Variants in CLCN6 observed in about 807,000 individuals in gnomAD.
The protein encoded by CLCN6 is H(+)/Cl(-) exchange transporter 6.
In CLCN6, 70 loss-of-function variants were observed where a neutral mutation model predicts 109.8. The ratio of observed to expected loss-of-function variants is 0.64; its 90% CI spans 0.53 to 0.78. The LOEUF (loss-of-function observed/expected upper bound fraction) is 0.78. CLCN6 is among the 30% of genes least tolerant of loss of function. The pLI is 0.00. For synonymous variants in CLCN6, 444 were observed against 447.8 expected (o/e 0.99, Z 0.11); for missense variants, 984 against 1,142.3 (o/e 0.86, Z 2.00).
intron 4 of CLCN6, among the ~76,000 whole-genome samples, chr1:11,817,871 C>T (rs891829280): frequency 3.9e-5 from 6 of 152,200 alleles, no homozygotes; most frequent in Non-Finnish European, 8.8e-5. Flanking sequence ...GAACATCTTA[C>T]TAGGTAAGAC....
intron 2 of CLCN6, among the ~76,000 whole-genome samples, chr1:11,815,585 G>A (rs1644659357): frequency 6.6e-6 from 1 of 152,156 alleles, no homozygotes; most frequent in Non-Finnish European, 1.5e-5. Flanking sequence ...AGTAGAGACA[G>A]GGTTTCACCA....
At chr1:11,811,734 A>G (rs560930503) in intron 2 of CLCN6, among the ~76,000 whole-genome samples, 13 of 152,110 alleles carry the variant, frequency 8.5e-5, no homozygotes, top group Admixed American at 6.6e-4. Flanking sequence ...GAAACCCTGC[A>G]CTCATTAGCA....
At chr1:11,821,581 C>T (rs1644744940) in intron 5 of CLCN6, among the ~76,000 whole-genome samples, 1 of 152,084 alleles carries the variant, frequency 6.6e-6, no homozygotes, top group Admixed American at 6.6e-5. Flanking sequence ...GGAAGAACTC[C>T]TGCAACTCAA....
intron 5 of CLCN6, among the ~76,000 whole-genome samples, chr1:11,820,111 CAGTT>C (rs1486733525): frequency 6.6e-6 from 1 of 152,136 alleles, no homozygotes; most frequent in Non-Finnish European, 1.5e-5. Flanking sequence ...TGGTGAATGA[CAGTT>C]AATATTACAA....
chr1:11,819,826 C>G (rs1644719116), intron 5 of CLCN6, among the ~76,000 whole-genome samples: 2 of 152,116 alleles, frequency 1.3e-5, no homozygotes, highest in African/African-American at 4.8e-5. Flanking sequence ...AATCAAAATT[C>G]CAATAGAATT....
At chr1:11,828,257 C>G in intron 11 of CLCN6, 38 bp downstream of exon 11, 1 of 1,573,188 alleles carries the variant, frequency 6.4e-7, no homozygotes, top group Non-Finnish European at 8.7e-7. Context: ...TTTAATTTGA[C>G]CCATGAAAAT....
intron 2 of CLCN6, among the ~76,000 whole-genome samples, chr1:11,807,492 C>T (rs1644532934): frequency 6.6e-6 from 1 of 152,206 alleles, no homozygotes; most frequent in African/African-American, 2.4e-5. Context: ...GAGTGAAAGG[C>T]ACTGGCAGGC....
At chr1:11,829,459 G>A in intron 13 of CLCN6, 137 bp downstream of exon 13, 2 of 1,050,196 alleles carry the variant, frequency 1.9e-6, no homozygotes. Context: ...TGAGAGATAT[G>A]GGAATCTGTA....
chr1:11,810,545 C>T (rs993877638), intron 2 of CLCN6, among the ~76,000 whole-genome samples: 15 of 152,334 alleles, frequency 9.8e-5, no homozygotes, highest in African/African-American at 2.2e-4. Flanking sequence ...ACCTCCCTCC[C>T]GGCCAGGTGC....
At chr1:11,837,608 G>C in intron 20 of CLCN6, 109 bp downstream of exon 20, 3 of 1,125,614 alleles carry the variant, frequency 2.7e-6, no homozygotes, top group East Asian at 2.5e-5. Flanking sequence ...TGAATGCAAG[G>C]CGAGAAGTGC....
intron 22 of CLCN6, 109 bp downstream of exon 22, chr1:11,838,769 G>A: frequency 1.3e-6 from 2 of 1,505,368 alleles, no homozygotes; most frequent in South Asian, 1.1e-5. Flanking sequence ...CACCAGGAGG[G>A]GAGAGTGTGG....
At chr1:11,837,185 C>A in intron 19 of CLCN6, 29 bp downstream of exon 19, 1 of 1,610,548 alleles carries the variant, frequency 6.2e-7, no homozygotes, top group Non-Finnish European at 8.5e-7. Context: ...CCCCACTGCC[C>A]GCAGGGCTAC....
In CLCN6 at chr1:11,835,656, G is replaced by A. The variant is rs374669640; in HGVS notation, c.1794-311G>A. 6.6e-5 allele frequency among the ~76,000 whole-genome samples: 10 copies of A among 152,302 alleles called. 1 individual carries two copies. In the East Asian group the frequency reaches 1.2e-3, roughly 18 times the overall value. ...TATGTGGAGCGTGCTGCAGGGCACCGAGGAGGGCGTGGCCAGCCCCTGGAC... is the reference window on the plus strand; with the variant it reads ...TATGTGGAGCGTGCTGCAGGGCACCAAGGAGGGCGTGGCCAGCCCCTGGAC... On this transcript the variant is annotated intron_variant, in intron 17 of 22. Coordinates refer to ENST00000346436, the MANE Select transcript of CLCN6 (RefSeq NM_001286.5).
Position 11,816,696 on chromosome 1 carries a change from C to T in CLCN6, c.279+16C>T, listed in dbSNP as rs748169236. 6.2e-7 allele frequency: 1 copy of T among 1,607,982 alleles called. No individual in the cohort carries two copies. The highest frequency in any genetic ancestry group is 1.7e-5 in the Admixed American group (1 of 59,342). On this transcript the variant is annotated intron_variant, in intron 4 of 22. Transcript: ENST00000346436. The stretch of plus-strand genomic sequence containing the variant: ...CACTGGCCTGGTGAGGAGGCAGGGC[C>T]TGGAGGGATGGTGGGCCATAGGGCT...
intron 2 of CLCN6, among the ~76,000 whole-genome samples, chr1:11,810,969 T>C (rs1439892615): frequency 6.6e-6 from 1 of 152,106 alleles, no homozygotes; most frequent in Non-Finnish European, 1.5e-5. Flanking sequence ...CCCCACACTT[T>C]AGGAGGCTGA....
At chr1:11,836,941 T>C in intron 18 of CLCN6, 58 bp from the exon 19 acceptor site, 8 of 1,586,890 alleles carry the variant, frequency 5.0e-6, no homozygotes, top group Non-Finnish European at 6.8e-6. Context: ...TTAAGCTCCA[T>C]CAGTACTGCT....
chr1:11,828,396 T>C (rs1334920470), intron 11 of CLCN6, 62 bp from the exon 12 acceptor site: 17 of 1,596,544 alleles, frequency 1.1e-5, no homozygotes. Flanking sequence ...TTCTCTTCTG[T>C]CTCTTCCGGT....
chr1:11,838,588 C>T lies in CLCN6; in HGVS notation c.2457C>T (p.His819=), dbSNP rs758958333. The change falls in exon 22 of 23, where the codon CAC becomes CAT. Residue 819 remains histidine, a synonymous_variant. Coordinates refer to ENST00000346436, the MANE Select transcript of CLCN6 (RefSeq NM_001286.5). ...CTTTCACCGTCTCGCCCAACACCCA[C>T]GTCTCCCAAGTCTTCAACCTGTTCA... ...PSPFTVSPNT[H]VSQVFNLFRT... is the part of the protein sequence containing the mutation. The T allele has an allele frequency of 3.1e-6, 5 of 1,613,574 alleles. No homozygotes were observed. Among genetic ancestry groups the T allele is most frequent in the South Asian group, 2.2e-5 (2 of 91,072 alleles).
At chr1:11,813,854 T>C (rs1280068314) in intron 2 of CLCN6, among the ~76,000 whole-genome samples, 1 of 152,250 alleles carries the variant, frequency 6.6e-6, no homozygotes, top group African/African-American at 2.4e-5. Context: ...AGGGATATTA[T>C]ACTTTTAATT....
Sources: allele counts gnomAD v4.1 joint callset (sites outside exome capture counted in the v4.1 genomes callset), GRCh38; gene constraint gnomAD v4.1.1; transcripts MANE v1.5; gene names NCBI Gene and HGNC (gene_info 2026-07-23, HGNC 2026-07-21).